The following REC114 variants were observed in gnomAD, a reference collection of about 807,000 sequenced individuals.
REC114 encodes the protein REC114 meiotic recombination protein.
Under a neutral mutation model 31.3 loss-of-function variants are expected in REC114, and 27 were observed. The observed-to-expected ratio is 0.86, with a 90% CI of 0.64 to 1.19. The LOEUF (loss-of-function observed/expected upper bound fraction) is 1.19, where lower values mean the gene tolerates loss of function less well. Ranked by LOEUF, REC114 falls within the 50% of genes most tolerant of loss-of-function variation. The pLI, the probability that REC114 is intolerant of heterozygous loss-of-function variation, is 0.00. For missense variants in REC114, 344 were observed against 326.9 expected (o/e 1.05, Z -0.40); for synonymous variants, 134 against 127.7 (o/e 1.05, Z -0.33).
At chr15:73,523,214 A>G (rs1356547997) in intron 2 of REC114, among the ~76,000 whole-genome samples, 1 of 152,152 alleles carries the variant, frequency 6.6e-6, no homozygotes, top group East Asian at 1.9e-4. Flanking sequence ...AATTTAAAGG[A>G]GTTTAATTGA....
chr15:73,444,655 C>A (rs964707008), intron 1 of REC114, among the ~76,000 whole-genome samples: 2 of 152,168 alleles, frequency 1.3e-5, no homozygotes, highest in African/African-American at 4.8e-5. Context: ...GAATCAACTT[C>A]TTCCAAATTC....
chr15:73,468,359 T>C (rs1267322769), intron 1 of REC114, among the ~76,000 whole-genome samples: 1 of 152,180 alleles, frequency 6.6e-6, no homozygotes, highest in Non-Finnish European at 1.5e-5. Flanking sequence ...ATTTTGATGC[T>C]TTTAAAATTT....
In REC114 at chr15:73,538,707, G is replaced by T. The variant is rs964740282; in HGVS notation, c.250-1778G>T. Among the ~76,000 whole-genome samples, 4 of 151,544 alleles carry T rather than the reference G, an allele frequency of 2.6e-5. No individual in the cohort carries two copies. The South Asian group carries it at 8.4e-4, about 32-fold the overall frequency. On this transcript the variant is annotated intron_variant, in intron 2 of 5. Coordinates refer to ENST00000331090, the MANE Select transcript of REC114 (RefSeq NM_001042367.2). ...TCTGACCTCGTGATCCGCCTGCCTC[G>T]GCCTCCCAAAGTGCTGGAATTACAG...
At chr15:73,550,803 T>A in intron 3 of REC114, 135 bp from the exon 4 acceptor site, 1 of 745,988 alleles carries the variant, frequency 1.3e-6, no homozygotes. Flanking sequence ...TATGCCTGCA[T>A]CAATAAGTGA....
At chr15:73,550,573 G>C (rs1487097457) in intron 3 of REC114, among the ~76,000 whole-genome samples, 1 of 152,160 alleles carries the variant, frequency 6.6e-6, no homozygotes, top group African/African-American at 2.4e-5. Flanking sequence ...TATGCTTGCT[G>C]TATTATTATC....
intron 3 of REC114, among the ~76,000 whole-genome samples, chr15:73,547,237 A>G (rs537430526): frequency 6.6e-6 from 1 of 152,350 alleles, no homozygotes; most frequent in East Asian, 1.9e-4. Context: ...AAAAATGGGC[A>G]AAAGATTTGA....
At chr15:73,538,870 A>C (rs1460257094) in intron 2 of REC114, among the ~76,000 whole-genome samples, 1 of 151,628 alleles carries the variant, frequency 6.6e-6, no homozygotes, top group Non-Finnish European at 1.5e-5. Context: ...CCTTTGATGC[A>C]TACCTGAGTT....
chr15:73,485,486 G>C (rs1171096695), intron 2 of REC114, among the ~76,000 whole-genome samples: 1 of 152,178 alleles, frequency 6.6e-6, no homozygotes, highest in Non-Finnish European at 1.5e-5. Context: ...GTTGTAGGTG[G>C]GGCGTGGTGG....
At chr15:73,513,604 G>C (rs1208388957) in intron 2 of REC114, among the ~76,000 whole-genome samples, 1 of 151,798 alleles carries the variant, frequency 6.6e-6, no homozygotes, top group Non-Finnish European at 1.5e-5. Context: ...TGATGATGGT[G>C]ATGTACAGAT....
At chr15:73,492,705 T>C (rs1454865167) in intron 2 of REC114, among the ~76,000 whole-genome samples, 1 of 152,206 alleles carries the variant, frequency 6.6e-6, no homozygotes, top group Non-Finnish European at 1.5e-5. Flanking sequence ...AGAGTATGCT[T>C]TGGTAGGTAT....
At position 73,507,596 on chromosome 15, in the gene REC114, T is replaced by G. The variant is rs146765825; in HGVS notation, c.250-32889T>G. ...TTCTAAAATATTTTTTACCTTTTGA[T>G]TCTGTACATATGTATTAAATATTAA... On this transcript the variant is annotated intron_variant, in intron 2 of 5. Transcript: ENST00000331090. 3.9e-5 allele frequency among the ~76,000 whole-genome samples: 6 copies of G among 152,290 alleles called. No homozygotes were observed. The East Asian group carries it at 1.2e-3, about 29-fold the overall frequency.
intron 1 of REC114, among the ~76,000 whole-genome samples, chr15:73,451,909 A>G (rs1010871308): frequency 6.6e-6 from 1 of 152,212 alleles, no homozygotes; most frequent in Admixed American, 6.5e-5. Flanking sequence ...TAGATGCAGA[A>G]AAGGCCTTTG....
At chr15:73,486,150 T>C (rs1893361507) in intron 2 of REC114, among the ~76,000 whole-genome samples, 1 of 152,164 alleles carries the variant, frequency 6.6e-6, no homozygotes, top group Non-Finnish European at 1.5e-5. Context: ...CAGGCTGAAG[T>C]GCGATGGCGC....
rs571620743 is a variant in REC114, at chr15:73,528,455, G to A, written c.250-12030G>A. 7.9e-5 allele frequency among the ~76,000 whole-genome samples: 12 copies of A among 152,130 alleles called. No homozygotes were observed. The East Asian group carries it at 1.5e-3, about 20-fold the overall frequency. ...GAATCTGCAAGCTTCTTGATCTACC[G>A]CTTTTTGAGAATTATAAGACAGAGT... On this transcript the variant is annotated intron_variant, in intron 2 of 5. Transcript: ENST00000331090.
intron 2 of REC114, among the ~76,000 whole-genome samples, chr15:73,496,036 T>C (rs943048725): frequency 1.3e-5 from 2 of 152,034 alleles, no homozygotes; most frequent in African/African-American, 4.8e-5. Context: ...ATTTAAACTT[T>C]TTATTTAGAA....
chr15:73,520,892 A>G (rs1241446768), intron 2 of REC114, among the ~76,000 whole-genome samples: 1 of 152,128 alleles, frequency 6.6e-6, no homozygotes, highest in South Asian at 2.1e-4. Context: ...TCATTAATTC[A>G]TCAAACAGAC....
At chr15:73,508,455 T>A (rs11858689) in intron 2 of REC114, among the ~76,000 whole-genome samples, 4,584 of 151,546 alleles carry the variant, frequency 0.03, 252 homozygotes, top group African/African-American at 0.11. Context: ...ATTTTTTTTT[T>A]AATTATACTT....
intron 2 of REC114, among the ~76,000 whole-genome samples, chr15:73,475,333 G>T (rs1893196446): frequency 2.0e-5 from 3 of 152,112 alleles, no homozygotes; most frequent in Admixed American, 1.3e-4. Flanking sequence ...CTGCAATTTG[G>T]TGCATGTTGC....
intron 2 of REC114, among the ~76,000 whole-genome samples, chr15:73,530,252 A>G (rs999801057): frequency 1.3e-5 from 2 of 152,246 alleles, no homozygotes; most frequent in African/African-American, 4.8e-5. Flanking sequence ...TTCAAATCTA[A>G]GACCAAAATC....
Sources: gnomAD v4.1 joint callset for allele counts (sites outside exome capture counted in the v4.1 genomes callset) on GRCh38, gnomAD v4.1.1 for gene constraint, MANE v1.5 for transcripts, NCBI Gene and HGNC (gene_info 2026-07-23, HGNC 2026-07-21) for gene names.